Variants in POTEC observed in about 807,000 individuals in gnomAD.
POTEC encodes ANKRD26-like family B member 2.
POTEC carries 35 observed loss-of-function variants against 62.0 expected under a neutral mutation model. The ratio of observed to expected loss-of-function variants is 0.56; its 90% CI spans 0.43 to 0.75. The LOEUF is 0.75. POTEC is among the 30% of genes least tolerant of loss of function. The pLI is 0.00. For synonymous variants in POTEC, 156 were observed against 221.5 expected (o/e 0.70, Z 2.62); for missense variants, 472 against 655.9 (o/e 0.72, Z 3.06).
intron 9 of POTEC, among the ~76,000 whole-genome samples, chr18:14,514,700 C>T (rs1033205683): frequency 8.1e-6 from 1 of 123,304 alleles, no homozygotes; most frequent in Non-Finnish European, 1.6e-5. Flanking sequence ...CTGGGAAGCC[C>T]TAAGGCAGAG....
intron 3 of POTEC, among the ~76,000 whole-genome samples, chr18:14,537,515 A>C (rs138072653): frequency 0.01 from 1,533 of 152,264 alleles, 30 homozygotes; most frequent in South Asian, 0.057. Context: ...GTTAGGGAAA[A>C]AAAAGTTGGC....
chr18:14,538,719 C>T (rs374569068), intron 1 of POTEC, among the ~76,000 whole-genome samples: 14 of 152,048 alleles, frequency 9.2e-5, no homozygotes, highest in South Asian at 2.1e-4. Flanking sequence ...TTAAGTGAAA[C>T]GATACAATTA....
chr18:14,542,640 C>T lies in POTEC; in HGVS notation c.507G>A (p.Arg169=), dbSNP rs1195698403. 3.7e-6 allele frequency: 6 copies of T among 1,612,426 alleles called. No homozygotes were observed. The highest frequency in any genetic ancestry group is 4.5e-5 in the East Asian group (2 of 44,818). Residue 169 remains arginine (R), a synonymous_variant, in exon 1 of 11, where the codon AGG becomes AGA. Transcript: ENST00000358970. ...GGCCCAGTTACCTCTTTTGCTTGTC[C>T]CTCTTGTTCATGTCCGTGTCCCTGA... is the stretch of plus-strand genomic sequence containing the variant. ...VMLRDTDMNK[R]DKQKRTALHL... is the part of the protein sequence containing the mutation.
intron 10 of POTEC, 92 bp downstream of exon 10, chr18:14,513,570 T>C (rs1362630406): frequency 6.6e-7 from 1 of 1,504,466 alleles, no homozygotes; most frequent in Non-Finnish European, 8.9e-7. Context: ...TGTGTATATA[T>C]GTGATTTAAA....
Position 14,537,993 on chromosome 18 carries a change from A to G in POTEC, c.637-19T>C. Reference sequence around the variant, plus strand: ...GTACGGCCTGTCAGTATTAGACCAAAAACAAATTATTAAGTCCTAGGAATT... The same window carrying G: ...GTACGGCCTGTCAGTATTAGACCAAGAACAAATTATTAAGTCCTAGGAATT... On this transcript the variant is annotated intron_variant, in intron 2 of 10. Coordinates refer to ENST00000358970, the MANE Select transcript of POTEC (RefSeq NM_001137671.2). The G allele has an allele frequency of 6.3e-7, 1 of 1,599,370 alleles. No individual in the cohort carries two copies. Among genetic ancestry groups the G allele is most frequent in the Non-Finnish European group, 8.5e-7 (1 of 1,177,376 alleles).
At chr18:14,540,430 T>C (rs1905893091) in intron 1 of POTEC, among the ~76,000 whole-genome samples, 1 of 152,126 alleles carries the variant, frequency 6.6e-6, no homozygotes, top group Admixed American at 6.6e-5. Flanking sequence ...ATAAGTTTGA[T>C]TATATTTTCC....
Position 14,533,099 on chromosome 18 carries a change from C to T in POTEC, c.1017G>A (p.Gln339=). 2 of 1,611,178 alleles carry T rather than the reference C, an allele frequency of 1.2e-6. No individual in the cohort carries two copies. The highest frequency in any genetic ancestry group is 1.7e-6 in the Non-Finnish European group (2 of 1,179,482). ...TAGAAACAGCATACTCTCTGGCCGT[C>T]TGTCCAGATAGATCTTGAGAAGATA... ...VDVSSQDLSG[Q]TAREYAVSSH... is the part of the protein sequence containing the mutation. Residue 339 remains glutamine, a synonymous_variant, in exon 5 of 11, where the codon CAG becomes CAA. Transcript: ENST00000358970.
chr18:14,519,354 C>A (rs1444191945), intron 9 of POTEC, among the ~76,000 whole-genome samples: 1 of 152,126 alleles, frequency 6.6e-6, no homozygotes, highest in Non-Finnish European at 1.5e-5. Flanking sequence ...ATATAGAAAT[C>A]TGGAATTAAG....
chr18:14,534,980 C>A lies in POTEC; in HGVS notation c.838G>T (p.Val280Leu), dbSNP rs757607475. The change falls in exon 4 of 11, where the codon GTA (valine) becomes TTA (leucine). Residue 280 changes from valine (V) to leucine (L), a missense_variant. Around this residue, in one of 5 missense-constraint regions of POTEC, gnomAD observed 83 missense variants for 254.3 expected, o/e 0.33. Transcript: ENST00000358970. ...KCGLTPLLLG[V>L]HEQKQQVVKF... Reference sequence around the variant, plus strand: ...ACCACTTGCTGTTTTTGTTCATGTACGCCAAGCAAAAGTGGTGTGAGGCCA... The same window carrying A: ...ACCACTTGCTGTTTTTGTTCATGTAAGCCAAGCAAAAGTGGTGTGAGGCCA... 6.4e-7 allele frequency: 1 copy of A among 1,557,532 alleles called. No homozygotes were observed. Among genetic ancestry groups the A allele is most frequent in the East Asian group, 2.4e-5 (1 of 41,896 alleles).
intron 3 of POTEC, among the ~76,000 whole-genome samples, chr18:14,537,211 A>AC (rs1555624120): frequency 0.22 from 10,328 of 46,938 alleles, 343 homozygotes; most frequent in Non-Finnish European, 0.26. Context: ...ACACACACAC[A>AC]AAAAAAAAAA....
intron 9 of POTEC, among the ~76,000 whole-genome samples, chr18:14,519,894 C>T (rs1445455048): frequency 6.6e-6 from 1 of 151,736 alleles, no homozygotes; most frequent in Non-Finnish European, 1.5e-5. Flanking sequence ...GTGAAGACGC[C>T]GTTAGGGAGG....
intron 1 of POTEC, among the ~76,000 whole-genome samples, chr18:14,541,950 A>G (rs1045574659): frequency 9.9e-5 from 15 of 152,270 alleles, no homozygotes; most frequent in East Asian, 3.8e-4. Flanking sequence ...GAAATAACAC[A>G]TGCACATTTT....
intron 3 of POTEC, among the ~76,000 whole-genome samples, chr18:14,535,261 G>A (rs1287304398): frequency 4.1e-5 from 6 of 145,034 alleles, no homozygotes; most frequent in East Asian, 2.3e-4. Context: ...GTTTCTAAAC[G>A]AGCATTTGGC....
chr18:14,512,041 A>G, intron 10 of POTEC, 48 bp from the exon 11 acceptor site: 2 of 1,376,554 alleles, frequency 1.5e-6, no homozygotes, highest in Non-Finnish European at 2.0e-6. Flanking sequence ...AGAATGACAT[A>G]TCATGATTTC....
chr18:14,523,628 GAAAAT>G (rs1245987047), intron 7 of POTEC, 121 bp from the exon 8 acceptor site: 6 of 318,894 alleles, frequency 1.9e-5, no homozygotes, highest in Admixed American at 5.0e-5. Context: ...TGAAAAATTA[GAAAAT>G]AAAATAAAAT....
chr18:14,540,076 T>A (rs1326751408), intron 1 of POTEC, among the ~76,000 whole-genome samples: 1 of 139,654 alleles, frequency 7.2e-6, no homozygotes, highest in Non-Finnish European at 1.5e-5. Context: ...CATAAATATA[T>A]AACTAAACTA....
intron 6 of POTEC, chr18:14,529,005 G>C (rs1192398219): frequency 4.4e-6 from 2 of 454,340 alleles, no homozygotes; most frequent in South Asian, 1.6e-5. Context: ...CAATCTTGTT[G>C]CATGTTCCTT....
chr18:14,528,782 C>G (rs560902928), intron 6 of POTEC: 1 of 357,908 alleles, frequency 2.8e-6, no homozygotes, highest in South Asian at 2.1e-5. Context: ...AGGGTAAGAC[C>G]TACTCATTTC....
chr18:14,514,407 G>A (rs1567909597), intron 9 of POTEC, among the ~76,000 whole-genome samples: 1 of 152,054 alleles, frequency 6.6e-6, no homozygotes, highest in Non-Finnish European at 1.5e-5. Context: ...GTCCTAACAG[G>A]CCAGGGACTG....
Sources: allele counts gnomAD v4.1 joint callset (sites outside exome capture counted in the v4.1 genomes callset), GRCh38; gene constraint gnomAD v4.1.1; regional missense constraint gnomAD v4.1.1; transcripts MANE v1.5; gene names NCBI Gene and HGNC (gene_info 2026-07-23, HGNC 2026-07-21).